PLD2: variants seen among roughly 807,000 people sequenced by gnomAD.
PLD2 encodes the protein phospholipase D2.
Under a neutral mutation model 119.8 loss-of-function variants are expected in PLD2, and 101 were observed. The ratio of observed to expected loss-of-function variants is 0.84; its 90% CI spans 0.72 to 0.99. The LOEUF (loss-of-function observed/expected upper bound fraction) is 0.99. Ranked by LOEUF, PLD2 falls within the 50% of genes least tolerant of loss-of-function variation. The pLI, the probability that PLD2 is intolerant of heterozygous loss-of-function variation, is 0.00. For missense variants in PLD2, 1,164 were observed against 1,226.8 expected, an observed-to-expected ratio of 0.95 and a Z score of 0.76; for synonymous variants, 494 against 482.8, an observed-to-expected ratio of 1.02 and a Z score of -0.30.
At chr17:4,813,754 G>A (rs904153773) in intron 10 of PLD2, among the ~76,000 whole-genome samples, 7 of 152,174 alleles carry the variant, frequency 4.6e-5, no homozygotes, top group Admixed American at 4.6e-4. Context: ...AGTTACTTGG[G>A]AGGCTGAGAC....
Position 4,809,258 on chromosome 17 carries a change from G to A in PLD2, c.490-40G>A, listed in dbSNP as rs373560313. On this transcript the variant is annotated intron_variant, in intron 5 of 24. Transcript: ENST00000263088. ...AAGGCATTGGAGGTGCAAATGGCTC[G>A]GTCCCATCTGTCTCTCTCTCTCTCT... is the stretch of plus-strand genomic sequence containing the variant. The A allele has an allele frequency of 9.7e-4, 1,559 of 1,610,626 alleles. 15 individuals carry two copies. The South Asian group carries it at 0.013, about 14-fold the overall frequency.
intron 23 of PLD2, among the ~76,000 whole-genome samples, chr17:4,820,830 C>T (rs941054987): frequency 3.3e-5 from 5 of 151,290 alleles, no homozygotes; most frequent in Admixed American, 3.3e-4. Context: ...CCCGCCTCCG[C>T]CTCCCAAAGT....
Position 4,817,004 on chromosome 17 carries a change from A to G in PLD2, c.1650A>G (p.Leu550=), listed in dbSNP as rs761669084. The change falls in exon 16 of 25, where the codon CTA becomes CTG. Residue 550 remains leucine, a synonymous_variant. Transcript: ENST00000263088. ...WRDVGVVVHG[L]PARDLARHFI... ...ACGTTGGGGTGGTCGTCCATGGCCT[A>G]CCGGCCCGGGACCTTGCCCGGCACT... 3 of 1,613,992 alleles carry G rather than the reference A, an allele frequency of 1.9e-6. No individual in the cohort carries two copies. Among genetic ancestry groups the G allele is most frequent in the Non-Finnish European group, 1.7e-6 (2 of 1,179,936 alleles).
intron 21 of PLD2, 120 bp from the exon 22 acceptor site, chr17:4,818,964 G>A: frequency 1.3e-6 from 2 of 1,511,190 alleles, no homozygotes; most frequent in Non-Finnish European, 1.8e-6. Flanking sequence ...GCCTTTCACT[G>A]CAGGGAGAAG....
In PLD2 at chr17:4,807,955, C is replaced by G. The variant is rs1906040083; in HGVS notation, c.110-29C>G. 1 of 1,606,574 alleles carries G rather than the reference C, an allele frequency of 6.2e-7. No individual in the cohort carries two copies. On this transcript the variant is annotated intron_variant, in intron 2 of 24. Transcript: ENST00000263088. The surrounding 1 kb of genome is among the most constrained non-coding windows in gnomAD (Gnocchi z 5.4). ...CCAGGGGGCTGGGGCCTGTTGTGGTCTACACTCCTCGACTTTCTTTCCTCC... is the reference window on the plus strand; with the variant it reads ...CCAGGGGGCTGGGGCCTGTTGTGGTGTACACTCCTCGACTTTCTTTCCTCC...
intron 18 of PLD2, 25 bp downstream of exon 18, chr17:4,818,131 G>C (rs377744523): frequency 4.9e-5 from 75 of 1,543,828 alleles, no homozygotes; most frequent in Non-Finnish European, 6.6e-5. Flanking sequence ...AGGTGGGGGA[G>C]AGCATGGAAG....
rs771390735 is a variant in PLD2, at chr17:4,808,251, C to A, written c.241-23C>A. The A allele has an allele frequency of 5.0e-6, 8 of 1,612,378 alleles. No homozygotes were observed. The highest frequency in any genetic ancestry group is 6.8e-6 in the Non-Finnish European group (8 of 1,178,948). ...GGCGGGGACCCACGCAGGGGACATCCATTCAGTTCCTCATACCCCTAGGTG... is the reference window on the plus strand; with the variant it reads ...GGCGGGGACCCACGCAGGGGACATCAATTCAGTTCCTCATACCCCTAGGTG... On this transcript the variant is annotated intron_variant, in intron 3 of 24. Coordinates refer to ENST00000263088, the MANE Select transcript of PLD2 (RefSeq NM_002663.5). This position sits in a 1 kb window ranked among gnomAD's most constrained non-coding sequence, Gnocchi z 4.1.
In PLD2 at chr17:4,819,296, C is replaced by T. The variant is rs1907391470; in HGVS notation, c.2308+78C>T. The T allele has an allele frequency of 6.9e-6, 11 of 1,599,598 alleles. No homozygotes were observed. Among genetic ancestry groups the T allele is most frequent in the South Asian group, 6.7e-5 (6 of 89,970 alleles). On this transcript the variant is annotated intron_variant, in intron 22 of 24. Transcript: ENST00000263088. The surrounding 1 kb of genome is among the most constrained non-coding windows in gnomAD (Gnocchi z 4.2). ...GAGATGAGAGGCAGGATGACAGAGA[C>T]TGCAGCTGAGGCTCGTGTAGGGGTG...
At chr17:4,821,970 G>A (rs1368460769) in intron 24 of PLD2, 63 bp downstream of exon 24, 5 of 1,046,016 alleles carry the variant, frequency 4.8e-6, no homozygotes, top group Non-Finnish European at 7.5e-6. Context: ...TCCTGCTCAG[G>A]GTAGGATGGA....
chr17:4,808,505 C>T lies in PLD2; in HGVS notation c.383+89C>T. 2.3e-6 allele frequency: 3 copies of T among 1,311,354 alleles called. No homozygotes were observed. The highest frequency in any genetic ancestry group is 3.2e-6 in the Non-Finnish European group (3 of 932,262). 81.2% of individuals were successfully genotyped at this position (1,311,354 alleles called of 1,614,324 possible). A position where few individuals can be genotyped will look rare whatever the true frequency, so the allele number is the denominator to read the frequency against. On this transcript the variant is annotated intron_variant, in intron 4 of 24. Transcript: ENST00000263088. This position sits in a 1 kb window ranked among gnomAD's most constrained non-coding sequence, Gnocchi z 4.1. ...TCACCCCGGGGCCACAACCTTTCCT[C>T]CCTGCAACTCTGGCCACTGTGCTGC...
chr17:4,817,130 C>T lies in PLD2; in HGVS notation c.1702-16C>T. The stretch of plus-strand genomic sequence containing the variant: ...GATTGGCACCTCCTGCTGACTCTGC[C>T]ATCCCTCCACGTCAGACCACCAAGG... On this transcript the variant is annotated splice_polypyrimidine_tract_variant and intron_variant, in intron 16 of 24. Transcript: ENST00000263088. The T allele has an allele frequency of 1.9e-6, 3 of 1,604,370 alleles. No homozygotes were observed. Among genetic ancestry groups the T allele is most frequent in the Non-Finnish European group, 2.6e-6 (3 of 1,170,980 alleles).
chr17:4,822,709 C>T lies in PLD2; in HGVS notation c.2647C>T (p.Pro883Ser). 1.2e-6 allele frequency: 2 copies of T among 1,614,018 alleles called. No homozygotes were observed. The highest frequency in any genetic ancestry group is 2.2e-5 in the South Asian group (2 of 91,082). Residue 883 changes from proline (P) to serine (S), a missense_variant, in exon 25 of 25, where the codon CCC becomes TCC. Coordinates refer to ENST00000263088, the MANE Select transcript of PLD2 (RefSeq NM_002663.5). ...TCTCCGGGAGTACGTGGCCGTGGAG[C>T]CCTTGGCCACGGTCAGTCCCCCCTT... ...RTLREYVAVE[P>S]LATVSPPLAR...
Position 4,808,583 on chromosome 17 carries a change from A to G in PLD2, c.383+167A>G, listed in dbSNP as rs1043125406. 9.0e-6 allele frequency: 6 copies of G among 667,990 alleles called. No homozygotes were observed. Among genetic ancestry groups the G allele is most frequent in the African/African-American group, 1.8e-5 (1 of 55,366 alleles). The allele number at this position is 667,990 out of a possible 1,614,324, so 41.4% of individuals were successfully genotyped here. A position where few individuals can be genotyped will look rare whatever the true frequency, so the allele number is the denominator to read the frequency against. On this transcript the variant is annotated intron_variant, in intron 4 of 24. Coordinates refer to ENST00000263088, the MANE Select transcript of PLD2 (RefSeq NM_002663.5). The surrounding 1 kb of genome is among the most constrained non-coding windows in gnomAD (Gnocchi z 4.1). ...TTTCCCTGCTCAGCTTTCCCTGTCC[A>G]TGGTTCTGTGCCAGCATCTCAGCTG...
chr17:4,816,676 C>T lies in PLD2; in HGVS notation c.1512C>T (p.Phe504=), dbSNP rs370414862. The T allele has an allele frequency of 6.2e-7, 1 of 1,614,028 alleles. No individual in the cohort carries two copies. Among genetic ancestry groups the T allele is most frequent in the Non-Finnish European group, 8.5e-7 (1 of 1,180,036 alleles). The part of the protein sequence containing the change: ...PATPDLSHNQ[F]FWLGKDYSNL... The stretch of plus-strand genomic sequence containing the variant: ...CCCCAGACCTCTCTCACAACCAATT[C>T]TTCTGGCTGGGCAAGGACTACAGCA... Residue 504 remains phenylalanine (F), a synonymous_variant, in exon 15 of 25, where the codon TTC becomes TTT. Coordinates refer to ENST00000263088, the MANE Select transcript of PLD2 (RefSeq NM_002663.5).
chr17:4,818,784 C>T lies in PLD2; in HGVS notation c.2134C>T (p.Arg712Cys), dbSNP rs747873909. 1.2e-5 allele frequency: 19 copies of T among 1,613,994 alleles called. No homozygotes were observed. Among genetic ancestry groups the T allele is most frequent in the East Asian group, 4.5e-5 (2 of 44,892 alleles). Residue 712 changes from arginine to cysteine, a missense_variant, in exon 21 of 25, where the codon CGT (arginine) becomes TGT (cysteine). Arg to Cys is a radical substitution (Grantham distance 180). Transcript: ENST00000263088. ...ILHFTYRTLC[R>C]GEYSILHRLK... ...TTTCTTTTCTCTCAGGACCCTGTGT[C>T]GTGGGGAGTATTCAATCCTGCATCG...
At chr17:4,810,064 G>C in intron 9 of PLD2, 35 bp downstream of exon 9, 1 of 1,607,312 alleles carries the variant, frequency 6.2e-7, no homozygotes, top group South Asian at 1.1e-5. Flanking sequence ...CACCAGCTGA[G>C]TGGTGAGCCC....
chr17:4,809,901 C>T lies in PLD2; in HGVS notation c.732C>T (p.Phe244=), dbSNP rs267604955. 2.5e-6 allele frequency: 4 copies of T among 1,614,198 alleles called. No individual in the cohort carries two copies. The highest frequency in any genetic ancestry group is 3.4e-6 in the Non-Finnish European group (4 of 1,180,044). The stretch of plus-strand genomic sequence containing the variant: ...GGTGGCTGGTGGTGAAGGACTCCTT[C>T]CTGCTGTACATGTGCCTCGAGACAG... ...SKRWLVVKDS[F]LLYMCLETGA... is the part of the protein sequence containing the mutation. Residue 244 remains phenylalanine (F), a synonymous_variant, in exon 9 of 25, where the codon TTC becomes TTT. Transcript: ENST00000263088.
At chr17:4,820,655 A>T (rs1457910216) in intron 23 of PLD2, among the ~76,000 whole-genome samples, 1 of 145,320 alleles carries the variant, frequency 6.9e-6, no homozygotes, top group Non-Finnish European at 1.5e-5. Flanking sequence ...GGCTCACTGC[A>T]GGCTCCGCCG....
At chr17:4,810,706 A>G in intron 9 of PLD2, 96 bp from the exon 10 acceptor site, 5 of 1,147,446 alleles carry the variant, frequency 4.4e-6, no homozygotes, top group South Asian at 1.5e-5. Flanking sequence ...AGTTGTGATT[A>G]GGGACTAAGG....
Sources: gnomAD v4.1 joint callset for allele counts (sites outside exome capture counted in the v4.1 genomes callset) on GRCh38, gnomAD v4.1.1 for gene constraint, Gnocchi (gnomAD v3.1) non-coding constraint, MANE v1.5 for transcripts, NCBI Gene and HGNC (gene_info 2026-07-23, HGNC 2026-07-21) for gene names.